The following MYO18B variants were observed in gnomAD, a reference collection of about 807,000 sequenced individuals.
MYO18B encodes the protein myosin XVIIIB.
Under a neutral mutation model 273.0 loss-of-function variants are expected in MYO18B, and 204 were observed. That is an observed-to-expected ratio of 0.75 (90% CI 0.67 to 0.84). MYO18B has a LOEUF of 0.84. MYO18B is among the 40% of genes least tolerant of loss of function. The pLI is 0.00. For synonymous variants in MYO18B, 1,330 were observed against 1,305.7 expected (o/e 1.02, Z -0.40); for missense variants, 3,212 against 3,287.6 (o/e 0.98, Z 0.56).
At position 25,794,405 on chromosome 22, in the gene MYO18B, C is replaced by G. The variant is rs1437296076; in HGVS notation, c.2377-3548C>G. On this transcript the variant is annotated intron_variant, in intron 11 of 43. Transcript: ENST00000335473. ...ATTTTATTGTAGAGACAGGGTCTCA[C>G]TCTTGCTCAGGCTAGTCAACTCCTC... 2.6e-5 allele frequency among the ~76,000 whole-genome samples: 4 copies of G among 151,030 alleles called. No homozygotes were observed. The East Asian group carries it at 7.7e-4, about 29-fold the overall frequency.
intron 21 of MYO18B, among the ~76,000 whole-genome samples, chr22:25,861,050 G>A (rs1029783317): frequency 6.6e-6 from 1 of 151,938 alleles, no homozygotes; most frequent in African/African-American, 2.4e-5. Flanking sequence ...CACCACACCT[G>A]GCTGATTTTG....
At chr22:25,952,447 G>A (rs754906674) in intron 38 of MYO18B, 24 bp downstream of exon 38, 11 of 1,611,808 alleles carry the variant, frequency 6.8e-6, no homozygotes, top group Non-Finnish European at 5.9e-6. Flanking sequence ...CATAAATAGT[G>A]CCTGGGCCAA....
At chr22:25,969,658 A>G (rs1042074947) in intron 39 of MYO18B, among the ~76,000 whole-genome samples, 12 of 146,960 alleles carry the variant, frequency 8.2e-5, no homozygotes, top group African/African-American at 3.1e-4. Flanking sequence ...CAGAGTAGGC[A>G]TAAAAAAATA....
At chr22:26,031,137 G>A (rs191899123), downstream of MYO18B, 53 of 390,884 alleles carry the variant, frequency 1.4e-4, no homozygotes, top group East Asian at 7.9e-4. Flanking sequence ...TTACCAAGGC[G>A]AAGCTAGCAT....
In MYO18B at chr22:25,760,986, C is replaced by G; in HGVS notation, c.-107C>G. ...CCCACTGTGTCCCTGTGTGTCAGTT[C>G]TGTGTCCATCTCATGTGCTGCGTGT... is the stretch of plus-strand genomic sequence containing the variant. On this transcript the variant is annotated splice_region_variant and 5_prime_UTR_variant, in exon 2 of 44. Coordinates refer to ENST00000335473, the MANE Select transcript of MYO18B (RefSeq NM_032608.7). 8.1e-7 allele frequency: 1 copy of G among 1,227,888 alleles called. No individual in the cohort carries two copies. Among genetic ancestry groups the G allele is most frequent in the Non-Finnish European group, 1.2e-6 (1 of 838,724 alleles). The allele number at this position is 1,227,888 out of a possible 1,614,324, so 76.1% of individuals were successfully genotyped here. A position where few individuals can be genotyped will look rare whatever the true frequency, so the allele number is the denominator to read the frequency against.
chr22:25,802,429 C>T (rs1162746773), intron 12 of MYO18B, among the ~76,000 whole-genome samples: 2 of 152,090 alleles, frequency 1.3e-5, no homozygotes, highest in African/African-American at 2.4e-5. Flanking sequence ...ACTCAATCTC[C>T]AGCTCTTCTG....
At chr22:25,999,891 T>G (rs5761348) in intron 40 of MYO18B, among the ~76,000 whole-genome samples, 12,965 of 152,156 alleles carry the variant, frequency 0.085, 1,476 homozygotes, top group African/African-American at 0.26. Flanking sequence ...CCTGACCTCG[T>G]GATCTGCCCG....
At position 25,771,001 on chromosome 22, in the gene MYO18B, G is replaced by A. The variant is rs749363590; in HGVS notation, c.1692+17G>A. 1.2e-4 allele frequency: 189 copies of A among 1,525,460 alleles called. No homozygotes were observed. The East Asian group carries it at 1.8e-3, about 15-fold the overall frequency. The allele number at this position is 1,525,460 out of a possible 1,614,324, so 94.5% of individuals were successfully genotyped here. Reference sequence around the variant, plus strand: ...GTCCATCGGGTGAGTCCCCTGTCCCGCCGTCCCCCAGCATGAGTCCCCTGT... The same window carrying A: ...GTCCATCGGGTGAGTCCCCTGTCCCACCGTCCCCCAGCATGAGTCCCCTGT... On this transcript the variant is annotated intron_variant, in intron 6 of 43. Coordinates refer to ENST00000335473, the MANE Select transcript of MYO18B (RefSeq NM_032608.7).
chr22:25,793,793 C>G (rs946854877), intron 11 of MYO18B, among the ~76,000 whole-genome samples: 4 of 152,168 alleles, frequency 2.6e-5, no homozygotes, highest in African/African-American at 9.7e-5. Flanking sequence ...TGAGACTTTA[C>G]CTCAGACAAA....
In MYO18B at chr22:25,846,238, C is replaced by T. The variant is rs375428629; in HGVS notation, c.3507C>T (p.Ala1169=). 42 of 1,612,180 alleles carry T rather than the reference C, an allele frequency of 2.6e-5. No individual in the cohort carries two copies. Among genetic ancestry groups the T allele is most frequent in the South Asian group, 2.2e-4 (20 of 91,002 alleles). ...MVRRTFASSL[A]AVRRKAPCSQ... Reference sequence around the variant, plus strand: ...GGAGGACCTTTGCCAGCAGCCTTGCCGCGGTGAGGAGGAAAGCCCCGTGCT... The same window carrying T: ...GGAGGACCTTTGCCAGCAGCCTTGCTGCGGTGAGGAGGAAAGCCCCGTGCT... The change falls in exon 19 of 44, where the codon GCC becomes GCT. Residue 1169 remains alanine, a synonymous_variant. Coordinates refer to ENST00000335473, the MANE Select transcript of MYO18B (RefSeq NM_032608.7).
chr22:26,019,482 A>G (rs1356021348), intron 42 of MYO18B, among the ~76,000 whole-genome samples: 2 of 152,218 alleles, frequency 1.3e-5, no homozygotes, highest in Non-Finnish European at 1.5e-5. Context: ...GGCATAATAC[A>G]TGATAACTCT....
chr22:26,050,027 A>G, the MYO18B span, among the ~76,000 whole-genome samples: 1 of 152,190 alleles, frequency 6.6e-6, no homozygotes, highest in Non-Finnish European at 1.5e-5. Context: ...GTTGATTTCA[A>G]TTCTTACAAG....
At chr22:25,875,049 T>C (rs1365804849) in intron 23 of MYO18B, among the ~76,000 whole-genome samples, 2 of 152,260 alleles carry the variant, frequency 1.3e-5, no homozygotes, top group Non-Finnish European at 2.9e-5. Context: ...AGTCTTGTTG[T>C]ATGTGCCTCC....
chr22:25,861,158 A>T (rs1267165304), intron 21 of MYO18B, among the ~76,000 whole-genome samples: 1 of 152,138 alleles, frequency 6.6e-6, no homozygotes, highest in Non-Finnish European at 1.5e-5. Flanking sequence ...TCCTGGGATA[A>T]CAGGCGTGAG....
At chr22:26,041,393 ATGG>A in the MYO18B span, among the ~76,000 whole-genome samples, 62 of 150,312 alleles carry the variant, frequency 4.1e-4, no homozygotes, top group Admixed American at 2.0e-3. Context: ...AAAATTAGGC[ATGG>A]TGGCACATGC....
chr22:26,051,889 T>A, the MYO18B span, among the ~76,000 whole-genome samples: 3 of 152,252 alleles, frequency 2.0e-5, no homozygotes, highest in African/African-American at 7.2e-5. Context: ...AAAAACATAT[T>A]TTGAGGATCT....
chr22:25,989,939 T>C (rs2093246512), intron 39 of MYO18B, among the ~76,000 whole-genome samples: 1 of 152,146 alleles, frequency 6.6e-6, no homozygotes, highest in African/African-American at 2.4e-5. Context: ...TCTGACAGCC[T>C]GGGGGCCCCA....
At chr22:25,955,612 T>C (rs1479127279) in intron 39 of MYO18B, among the ~76,000 whole-genome samples, 2 of 152,196 alleles carry the variant, frequency 1.3e-5, no homozygotes, top group Non-Finnish European at 2.9e-5. Context: ...GCCAAGTTCA[T>C]TTACATATCA....
At chr22:25,844,130 CT>C (rs541232548) in intron 18 of MYO18B, among the ~76,000 whole-genome samples, 1 of 152,186 alleles carries the variant, frequency 6.6e-6, no homozygotes, top group Non-Finnish European at 1.5e-5. Flanking sequence ...GGAACAAAAG[CT>C]AAAAAGCTGT....
Sources: gnomAD v4.1 joint callset for allele counts (sites outside exome capture counted in the v4.1 genomes callset) on GRCh38, gnomAD v4.1.1 for gene constraint, MANE v1.5 for transcripts, NCBI Gene and HGNC (gene_info 2026-07-23, HGNC 2026-07-21) for gene names.